The following PRKRA variants were observed in gnomAD, a reference collection of about 807,000 sequenced individuals.
The protein encoded by PRKRA is interferon-inducible double-stranded RNA-dependent protein kinase activator A.
Under a neutral mutation model 32.4 loss-of-function variants are expected in PRKRA, and 22 were observed. That is an observed-to-expected ratio of 0.68 (90% CI 0.49 to 0.97). The LOEUF (loss-of-function observed/expected upper bound fraction) is 0.97. Among genes scored for constraint, PRKRA ranks in the 50% least tolerant of loss-of-function variants. The probability of loss-of-function intolerance (pLI) is 0.00; values close to 1 mark genes in which losing one functional copy is unlikely to be tolerated. For missense variants in PRKRA, 319 were observed against 375.6 expected, an observed-to-expected ratio of 0.85 and a Z score of 1.25; for synonymous variants, 139 against 129.8, an observed-to-expected ratio of 1.07 and a Z score of -0.48.
intron 5 of PRKRA, among the ~76,000 whole-genome samples, chr2:178,442,223 T>C (rs1341740761): frequency 6.6e-6 from 1 of 152,154 alleles, no homozygotes. Context: ...AAGACATTTG[T>C]TTTAAGTTTT....
intron 1 of PRKRA, 39 bp downstream of exon 1, chr2:178,450,927 C>T (rs1482355001): frequency 3.0e-6 from 3 of 1,004,830 alleles, no homozygotes; most frequent in Middle Eastern, 3.4e-4. Flanking sequence ...TGCCGCCCAA[C>T]GCTCCCGGCC....
chr2:178,450,335 T>G lies in PRKRA; in HGVS notation c.142A>C (p.Asn48His). Reference protein sequence around the residue: ...VLHEYGMKTKNIPVYECERSD... With the variant: ...VLHEYGMKTKHIPVYECERSD... ...CTTTCACATTCATAAACTGGGATGT[T>G]CTTGGTCTTCATGCCGTATTCGTGT... The change falls in exon 2 of 8, where the codon AAC becomes CAC. Residue 48 changes from asparagine to histidine, a missense_variant. By Grantham distance (68) the Asn-to-His change is moderately conservative. Transcript: ENST00000325748. The G allele has an allele frequency of 6.2e-7, 1 of 1,614,278 alleles. No homozygotes were observed. The highest frequency in any genetic ancestry group is 1.3e-5 in the African/African-American group (1 of 75,072).
At position 178,436,229 on chromosome 2, in the gene PRKRA, G is replaced by C. The variant is rs777284052; in HGVS notation, c.700C>G (p.Leu234Val). ...EKINLLKRSL[L>V]SIPNTDYIQL... ...ATGTAATCTGTATTTGGAATACTAA[G>C]GAGGCTTCTTTTCAGTAAGTTGATC... is the stretch of plus-strand genomic sequence containing the variant. The change falls in exon 7 of 8, where the codon CTT becomes GTT. Residue 234 changes from leucine (L) to valine (V), a missense_variant. Coordinates refer to ENST00000325748, the MANE Select transcript of PRKRA (RefSeq NM_003690.5). 5.0e-6 allele frequency: 8 copies of C among 1,613,066 alleles called. No homozygotes were observed. Among genetic ancestry groups the C allele is most frequent in the Non-Finnish European group, 6.8e-6 (8 of 1,179,108 alleles).
intron 6 of PRKRA, among the ~76,000 whole-genome samples, chr2:178,436,868 C>T (rs1696920995): frequency 1.3e-5 from 2 of 152,144 alleles, no homozygotes; most frequent in African/African-American, 4.8e-5. Flanking sequence ...TCTTATCAGA[C>T]TTCTATCCCA....
intron 1 of PRKRA, chr2:178,450,685 C>T (rs1177921357): frequency 7.1e-7 from 1 of 1,414,490 alleles, no homozygotes; most frequent in East Asian, 2.6e-5. Context: ...GCAGCAGCGC[C>T]GCAGCCTCTC....
chr2:178,432,555 A>G (rs962738356), intron 7 of PRKRA, among the ~76,000 whole-genome samples: 17 of 152,148 alleles, frequency 1.1e-4, no homozygotes, highest in Admixed American at 2.6e-4. Flanking sequence ...TCCTACACTT[A>G]AAAAAATAAC....
Position 178,443,571 on chromosome 2 carries a change from A to G in PRKRA, c.397-187T>C, listed in dbSNP as rs79385157. 24,779 of 526,914 alleles carry G rather than the reference A, an allele frequency of 0.047. 1,559 individuals are homozygous for G. Among genetic ancestry groups the G allele is most frequent in the South Asian group, 0.19 (9,038 of 48,682 alleles). 32.6% of individuals were successfully genotyped at this position (526,914 alleles called of 1,614,324 possible). A position where few individuals can be genotyped will look rare whatever the true frequency, so the allele number is the denominator to read the frequency against. On this transcript the variant is annotated intron_variant, in intron 4 of 7. Coordinates refer to ENST00000325748, the MANE Select transcript of PRKRA (RefSeq NM_003690.5). ...CCCGCATTTTATATTTTTATACCCC[A>G]ATACCAAAACTGAAGCAGTTTTGTG... is the stretch of plus-strand genomic sequence containing the variant.
rs1453670111 is a variant in PRKRA at position 178,432,787 on chromosome 2, CATA to C, written c.785-536_785-534del. On this transcript the variant is annotated intron_variant, in intron 7 of 7. Coordinates refer to ENST00000325748, the MANE Select transcript of PRKRA (RefSeq NM_003690.5). ...ATTAAAAAAAAATGTTTAATTGATA[CATA>C]ATAATTGTATGTATTTATGCTGTTG... Among the ~76,000 whole-genome samples the C allele has an allele frequency of 3.9e-5, 6 of 152,284 alleles. No homozygotes were observed. The East Asian group carries it at 5.8e-4, about 15-fold the overall frequency.
intron 6 of PRKRA, among the ~76,000 whole-genome samples, chr2:178,437,492 A>C (rs1223536925): frequency 6.6e-6 from 1 of 152,222 alleles, no homozygotes; most frequent in East Asian, 1.9e-4. Flanking sequence ...ACGGATCTCC[A>C]ACTGTGAGCT....
Position 178,450,750 on chromosome 2 carries a change from C to A in PRKRA, c.65+216G>T, listed in dbSNP as rs1186901541. On this transcript the variant is annotated intron_variant, in intron 1 of 7. Coordinates refer to ENST00000325748, the MANE Select transcript of PRKRA (RefSeq NM_003690.5). Reference sequence around the variant, plus strand: ...GCGCCGACCGAGCGTCACCTCCGCCCGCCCCGCGCGCCGCCAGGGACCACG... The same window carrying A: ...GCGCCGACCGAGCGTCACCTCCGCCAGCCCCGCGCGCCGCCAGGGACCACG... 4 of 1,350,778 alleles carry A rather than the reference C, an allele frequency of 3.0e-6. No individual in the cohort carries two copies. In the African/African-American group the frequency reaches 6.0e-5, roughly 20 times the overall value. The allele number at this position is 1,350,778 out of a possible 1,614,324, so 83.7% of individuals were successfully genotyped here. A position where few individuals can be genotyped will look rare whatever the true frequency, so the allele number is the denominator to read the frequency against.
intron 2 of PRKRA, among the ~76,000 whole-genome samples, chr2:178,447,879 T>A (rs1415428549): frequency 6.6e-6 from 1 of 152,238 alleles, no homozygotes; most frequent in African/African-American, 2.4e-5. Context: ...ATTATATATG[T>A]TTATTATATA....
intron 5 of PRKRA, 84 bp downstream of exon 5, chr2:178,443,183 T>C (rs1697181810): frequency 1.3e-6 from 1 of 775,092 alleles, no homozygotes; most frequent in South Asian, 1.7e-5. Context: ...CATAGAAATA[T>C]TTGAAAACAT....
chr2:178,442,138 G>A (rs1575094375), intron 5 of PRKRA, among the ~76,000 whole-genome samples: 1 of 152,100 alleles, frequency 6.6e-6, no homozygotes, highest in Non-Finnish European at 1.5e-5. Flanking sequence ...GCCCACCTCA[G>A]CCTCCCAAAG....
At chr2:178,450,045 G>A (rs952348361) in intron 2 of PRKRA, 197 bp downstream of exon 2, 5 of 733,608 alleles carry the variant, frequency 6.8e-6, no homozygotes, top group Non-Finnish European at 1.2e-5. Context: ...AAGCTTCCTT[G>A]GTATGTGGGG....
At chr2:178,448,802 G>A (rs1575100602) in intron 2 of PRKRA, among the ~76,000 whole-genome samples, 1 of 152,190 alleles carries the variant, frequency 6.6e-6, no homozygotes, top group East Asian at 1.9e-4. Context: ...ATAACAGACT[G>A]GACAAGAGGG....
At chr2:178,438,335 AAT>A (rs72456578) in intron 6 of PRKRA, among the ~76,000 whole-genome samples, 45,355 of 151,620 alleles carry the variant, frequency 0.3, 8,239 homozygotes, top group East Asian at 0.64. Flanking sequence ...CACATCAACA[AAT>A]ATATATATAT....
chr2:178,441,827 T>A, intron 5 of PRKRA, 123 bp from the exon 6 acceptor site: 1 of 771,618 alleles, frequency 1.3e-6, no homozygotes, highest in Non-Finnish European at 2.3e-6. Context: ...TACTAGACTA[T>A]GTTCTTACTG....
chr2:178,435,934 T>C (rs977588521), intron 7 of PRKRA, among the ~76,000 whole-genome samples: 4 of 152,240 alleles, frequency 2.6e-5, no homozygotes, highest in African/African-American at 9.6e-5. Context: ...GTTTTTGTTA[T>C]AACTGTATAG....
intron 2 of PRKRA, among the ~76,000 whole-genome samples, chr2:178,449,398 T>A (rs1014717023): frequency 2.6e-5 from 4 of 152,240 alleles, no homozygotes; most frequent in African/African-American, 9.6e-5. Context: ...AAATGCTGTC[T>A]TCAGATTTTC....
Sources: gnomAD v4.1 joint callset for allele counts (sites outside exome capture counted in the v4.1 genomes callset) on GRCh38, gnomAD v4.1.1 for gene constraint, MANE v1.5 for transcripts, NCBI Gene and HGNC (gene_info 2026-07-23, HGNC 2026-07-21) for gene names.